Variants in RSU1 observed in about 807,000 individuals in gnomAD.
RSU1 encodes the protein rsu-1.
Under a neutral mutation model 31.1 loss-of-function variants are expected in RSU1, and 26 were observed. That is an observed-to-expected ratio of 0.84 (90% CI 0.61 to 1.16). The LOEUF is 1.16. Ranked by LOEUF, RSU1 falls within the 50% of genes most tolerant of loss-of-function variation. The pLI is 0.00. For missense variants in RSU1, 320 were observed against 339.1 expected (o/e 0.94, Z 0.44); for synonymous variants, 164 against 136.3 (o/e 1.20, Z -1.41).
chr10:16,665,459 G>A (rs927247780), intron 8 of RSU1, among the ~76,000 whole-genome samples: 1 of 152,162 alleles, frequency 6.6e-6, no homozygotes, highest in Non-Finnish European at 1.5e-5. Context: ...AATGACCACA[G>A]CAATGCATTA....
At chr10:16,744,295 T>G (rs1040900546) in intron 7 of RSU1, among the ~76,000 whole-genome samples, 2 of 152,120 alleles carry the variant, frequency 1.3e-5, no homozygotes, top group Non-Finnish European at 2.9e-5. Context: ...ATTACTAATA[T>G]GTAGACAAGT....
intron 7 of RSU1, among the ~76,000 whole-genome samples, chr10:16,697,637 CT>C (rs1401746852): frequency 6.7e-6 from 1 of 149,804 alleles, no homozygotes; most frequent in African/African-American, 2.5e-5. Context: ...GCACTCCAGC[CT>C]GGGTAACAGA....
intron 2 of RSU1, among the ~76,000 whole-genome samples, chr10:16,813,742 G>A (rs945695376): frequency 6.6e-6 from 1 of 152,178 alleles, no homozygotes; most frequent in Non-Finnish European, 1.5e-5. Flanking sequence ...CTCATGGTAG[G>A]AAGTGAGCAT....
At chr10:16,651,156 T>C (rs1834678251) in intron 8 of RSU1, among the ~76,000 whole-genome samples, 1 of 152,226 alleles carries the variant, frequency 6.6e-6, no homozygotes, top group Non-Finnish European at 1.5e-5. Flanking sequence ...TGAGCTATGA[T>C]GTTCCTTTTT....
At chr10:16,676,819 T>A (rs974664277) in intron 8 of RSU1, among the ~76,000 whole-genome samples, 8 of 152,262 alleles carry the variant, frequency 5.3e-5, no homozygotes, top group Middle Eastern at 3.4e-3. Context: ...AGGTTGAGTA[T>A]CCCTAATCCC....
intron 7 of RSU1, among the ~76,000 whole-genome samples, chr10:16,698,465 G>A (rs1490919148): frequency 6.6e-6 from 1 of 152,168 alleles, no homozygotes; most frequent in Non-Finnish European, 1.5e-5. Context: ...CTTACTAAGT[G>A]TGCAGTCTTT....
chr10:16,688,670 G>A (rs1016356338), intron 8 of RSU1, among the ~76,000 whole-genome samples: 3 of 152,132 alleles, frequency 2.0e-5, no homozygotes, highest in African/African-American at 7.2e-5. Flanking sequence ...TCACCAGGAA[G>A]AGAATACATA....
chr10:16,626,041 CCTTTTTT>C (rs1254829594), intron 8 of RSU1, among the ~76,000 whole-genome samples: 1 of 151,846 alleles, frequency 6.6e-6, no homozygotes, highest in Non-Finnish European at 1.5e-5. Context: ...CAATCCTTTT[CCTTTTTT>C]CTTTTTTTTT....
At chr10:16,691,716 C>T (rs1464860557) in intron 8 of RSU1, among the ~76,000 whole-genome samples, 2 of 129,052 alleles carry the variant, frequency 1.5e-5, no homozygotes, top group African/African-American at 6.0e-5. Context: ...ACTGAAGCTG[C>T]TGCTTCTTTT....
intron 2 of RSU1, among the ~76,000 whole-genome samples, chr10:16,815,844 G>T (rs547242289): frequency 1.3e-5 from 2 of 152,280 alleles, no homozygotes; most frequent in East Asian, 3.9e-4. Context: ...AGGATTTCAG[G>T]TGCAAACGAC....
chr10:16,676,145 G>T (rs944007166), intron 8 of RSU1, among the ~76,000 whole-genome samples: 4 of 152,140 alleles, frequency 2.6e-5, no homozygotes, highest in Non-Finnish European at 5.9e-5. Context: ...ACTGAAGCCC[G>T]ACTACAAAAT....
chr10:16,817,403 C>T lies in RSU1; in HGVS notation c.-92G>A, dbSNP rs561190669. 6.6e-5 allele frequency: 20 copies of T among 301,970 alleles called. No homozygotes were observed. The South Asian group carries it at 7.7e-4, about 12-fold the overall frequency. The allele number at this position is 301,970 out of a possible 1,614,324, so 18.7% of individuals were successfully genotyped here. ...CTGCCCTCACTCCCTGCAACACCGGCACTGAACAGCGAACACGCCCTGTCT... is the reference window on the plus strand; with the variant it reads ...CTGCCCTCACTCCCTGCAACACCGGTACTGAACAGCGAACACGCCCTGTCT... On this transcript the variant is annotated 5_prime_UTR_variant, in exon 1 of 9. Coordinates refer to ENST00000345264, the MANE Select transcript of RSU1 (RefSeq NM_012425.4).
chr10:16,712,068 T>G (rs933300143), intron 7 of RSU1, among the ~76,000 whole-genome samples: 7 of 152,232 alleles, frequency 4.6e-5, no homozygotes, highest in African/African-American at 1.7e-4. Flanking sequence ...GAATTTATCC[T>G]TTAATCATGA....
At chr10:16,641,149 C>G (rs1020301140) in intron 8 of RSU1, among the ~76,000 whole-genome samples, 1 of 152,188 alleles carries the variant, frequency 6.6e-6, no homozygotes, top group Non-Finnish European at 1.5e-5. Context: ...CCCATGTACC[C>G]TGGAACTTAA....
At chr10:16,784,859 T>C (rs1471386816) in intron 2 of RSU1, among the ~76,000 whole-genome samples, 1 of 152,118 alleles carries the variant, frequency 6.6e-6, no homozygotes, top group Non-Finnish European at 1.5e-5. Flanking sequence ...GGAGCTATAA[T>C]TCAAGATGAG....
At chr10:16,759,298 G>C (rs1360548550) in intron 4 of RSU1, among the ~76,000 whole-genome samples, 2 of 151,972 alleles carry the variant, frequency 1.3e-5, no homozygotes, top group African/African-American at 4.8e-5. Flanking sequence ...TCAGGAGCTC[G>C]AGACCAGCCT....
At chr10:16,785,760 C>T (rs145911102) in intron 2 of RSU1, among the ~76,000 whole-genome samples, 57 of 151,566 alleles carry the variant, frequency 3.8e-4, no homozygotes, top group Non-Finnish European at 7.5e-4. Flanking sequence ...CTAGGACACA[C>T]GACTTCCATT....
intron 3 of RSU1, among the ~76,000 whole-genome samples, chr10:16,768,316 G>A (rs1294039101): frequency 6.6e-6 from 1 of 152,162 alleles, no homozygotes; most frequent in Non-Finnish European, 1.5e-5. Context: ...AAAAGGAGAT[G>A]GATTATGAAA....
At chr10:16,709,075 A>G (rs1288260092) in intron 7 of RSU1, among the ~76,000 whole-genome samples, 1 of 151,750 alleles carries the variant, frequency 6.6e-6, no homozygotes, top group Non-Finnish European at 1.5e-5. Context: ...TACATGTGCC[A>G]TGCTGGTGTG....
Sources: allele counts gnomAD v4.1 joint callset (sites outside exome capture counted in the v4.1 genomes callset), GRCh38; gene constraint gnomAD v4.1.1; transcripts MANE v1.5; gene names NCBI Gene and HGNC (gene_info 2026-07-23, HGNC 2026-07-21).